COG3: variants seen among roughly 807,000 people sequenced by gnomAD.
The protein encoded by COG3 is component of oligomeric golgi complex 3.
A neutral mutation model predicts 114.1 loss-of-function variants in COG3; 32 were observed. The ratio of observed to expected loss-of-function variants is 0.28; its 90% CI spans 0.21 to 0.38. The LOEUF (loss-of-function observed/expected upper bound fraction) is 0.38, where lower values mean the gene tolerates loss of function less well. Ranked by LOEUF, COG3 falls within the 10% of genes least tolerant of loss-of-function variation. COG3 has a pLI of 1.00. For missense variants in COG3, 813 were observed against 973.2 expected (o/e 0.84, Z 2.19); for synonymous variants, 352 against 365.7 (o/e 0.96, Z 0.43).
chr13:45,507,077 T>G (rs949430241), intron 14 of COG3, among the ~76,000 whole-genome samples: 2 of 152,174 alleles, frequency 1.3e-5, no homozygotes, highest in Non-Finnish European at 2.9e-5. Flanking sequence ...CACTTGGCTT[T>G]TGAGGGTTTG....
intron 7 of COG3, among the ~76,000 whole-genome samples, chr13:45,484,338 C>T (rs1486450154): frequency 6.6e-6 from 1 of 152,016 alleles, no homozygotes; most frequent in Non-Finnish European, 1.5e-5. Flanking sequence ...CTGCACCAAA[C>T]CTTTAGGAGT....
chr13:45,497,204 A>T (rs985155536), intron 13 of COG3, among the ~76,000 whole-genome samples: 2 of 152,214 alleles, frequency 1.3e-5, no homozygotes, highest in South Asian at 4.1e-4. Flanking sequence ...ACAAGTGTCC[A>T]GTTTATGGTT....
At chr13:45,507,493 G>A (rs543841721) in intron 14 of COG3, among the ~76,000 whole-genome samples, 2 of 152,154 alleles carry the variant, frequency 1.3e-5, no homozygotes, top group East Asian at 1.9e-4. Context: ...GGCCAGGCAC[G>A]GTGGCTCACA....
At chr13:45,486,956 ACT>A (rs1886707127) in intron 8 of COG3, among the ~76,000 whole-genome samples, 1 of 152,182 alleles carries the variant, frequency 6.6e-6, no homozygotes, top group South Asian at 2.1e-4. Context: ...TACTACAAAG[ACT>A]CTCTCACGAG....
rs557719293 is a variant in COG3 at position 45,476,435 on chromosome 13, C to A, written c.321+88C>A. On this transcript the variant is annotated intron_variant, in intron 2 of 22. Transcript: ENST00000349995. ...TAAAGTCCTAATTAAAAGTTCTGAA[C>A]ATTTGTCACCATAATTAACATTAAG... The A allele has an allele frequency of 3.0e-4, 378 of 1,252,082 alleles. 2 individuals carry two copies. The highest frequency in any genetic ancestry group is 4.2e-4 in the Non-Finnish European group (367 of 881,822). The allele number at this position is 1,252,082 out of a possible 1,614,324, so 77.6% of individuals were successfully genotyped here. A position where few individuals can be genotyped will look rare whatever the true frequency, so the allele number is the denominator to read the frequency against.
chr13:45,508,403 T>TACACAC (rs1182268847), intron 14 of COG3, among the ~76,000 whole-genome samples: 22 of 133,038 alleles, frequency 1.7e-4, no homozygotes, highest in African/African-American at 6.3e-4. Flanking sequence ...TATATATATA[T>TACACAC]ACACACACAC....
At chr13:45,474,468 T>C (rs1885732990) in intron 1 of COG3, among the ~76,000 whole-genome samples, 1 of 152,150 alleles carries the variant, frequency 6.6e-6, no homozygotes, top group African/African-American at 2.4e-5. Flanking sequence ...GGCCTTCTTT[T>C]TTACTCCTTA....
In COG3 at chr13:45,508,068, TAAAAAAAAAAAAAA is replaced by T. The variant is rs10571583; in HGVS notation, c.1595-1606_1595-1593del. On this transcript the variant is annotated intron_variant, in intron 14 of 22. Transcript: ENST00000349995. ...TAGGTGACAGAGCCTAGGTCCAACC[TAAAAAAAAAAAAAA>T]AAAAAAAAAAAAAAAAAGGAAAGAA... is the stretch of plus-strand genomic sequence containing the variant. Among the ~76,000 whole-genome samples, 67 of 32,276 alleles carry T rather than the reference TAAAAAAAAAAAAAA, an allele frequency of 2.1e-3. 1 individual carries two copies. The highest frequency in any genetic ancestry group is 5.9e-3 in the African/African-American group (46 of 7,852). 21.2% of individuals were successfully genotyped at this position (32,276 alleles called of 152,430 possible). A position where few individuals can be genotyped will look rare whatever the true frequency, so the allele number is the denominator to read the frequency against.
At chr13:45,500,049 T>TGTGTGTGTGTGAGA (rs1869300364) in intron 13 of COG3, among the ~76,000 whole-genome samples, 2 of 120,750 alleles carry the variant, frequency 1.7e-5, no homozygotes, top group African/African-American at 6.8e-5. Context: ...TATGTGTGTG[T>TGTGTGTGTGTGAGA]GTGTGTGTGT....
chr13:45,501,817 G>A (rs1869568958), intron 13 of COG3, among the ~76,000 whole-genome samples: 1 of 152,170 alleles, frequency 6.6e-6, no homozygotes, highest in East Asian at 1.9e-4. Flanking sequence ...GGATAAATAT[G>A]TAATAATAGG....
At chr13:45,468,892 A>C (rs1188797989) in intron 1 of COG3, among the ~76,000 whole-genome samples, 2 of 152,222 alleles carry the variant, frequency 1.3e-5, no homozygotes, top group African/African-American at 4.8e-5. Flanking sequence ...TCAGAACAGG[A>C]AAGTGTGTGA....
chr13:45,518,787 T>C lies in COG3; in HGVS notation c.1956T>C (p.Pro652=). The C allele has an allele frequency of 6.2e-7, 1 of 1,613,926 alleles. No individual in the cohort carries two copies. Among genetic ancestry groups the C allele is most frequent in the Non-Finnish European group, 8.5e-7 (1 of 1,179,856 alleles). ...ATGCAGCATTTAAAATCCTGAACCC[T>C]ATGACTGTCCCAAGATTTTTTAGGC... ...TRDAAFKILN[P]MTVPRFFRLN... is the part of the protein sequence containing the mutation. Residue 652 remains proline (P), a synonymous_variant, in exon 18 of 23, where the codon CCT becomes CCC. Coordinates refer to ENST00000349995, the MANE Select transcript of COG3 (RefSeq NM_031431.4).
intron 8 of COG3, 24 bp downstream of exon 8, chr13:45,486,599 A>T: frequency 7.1e-7 from 1 of 1,403,698 alleles, no homozygotes; most frequent in Non-Finnish European, 1.0e-6. Context: ...CATAACTAGG[A>T]CATTGCTATG....
Position 45,497,863 on chromosome 13 carries a change from C to G in COG3, c.1488+1551C>G, listed in dbSNP as rs564578742. Among the ~76,000 whole-genome samples, 6 of 152,250 alleles carry G rather than the reference C, an allele frequency of 3.9e-5. No individual in the cohort carries two copies. The East Asian group carries it at 9.6e-4, about 24-fold the overall frequency. On this transcript the variant is annotated intron_variant, in intron 13 of 22. Coordinates refer to ENST00000349995, the MANE Select transcript of COG3 (RefSeq NM_031431.4). ...CTAAGCAGGACGGAATATAACTTTACACTCCTGAAGTTTAATAGATTCTGG... is the reference window on the plus strand; with the variant it reads ...CTAAGCAGGACGGAATATAACTTTAGACTCCTGAAGTTTAATAGATTCTGG...
chr13:45,499,192 G>A (rs1410293626), intron 13 of COG3, among the ~76,000 whole-genome samples: 1 of 151,784 alleles, frequency 6.6e-6, no homozygotes, highest in Non-Finnish European at 1.5e-5. Flanking sequence ...CCCATATCTC[G>A]TATTCATGTT....
At chr13:45,467,322 T>C (rs1483007384) in intron 1 of COG3, among the ~76,000 whole-genome samples, 5 of 152,352 alleles carry the variant, frequency 3.3e-5, no homozygotes, top group Admixed American at 2.0e-4. Context: ...CCAGGTGCGG[T>C]GGCCCACGCC....
At position 45,492,267 on chromosome 13, in the gene COG3, T is replaced by A; in HGVS notation, c.1187+17T>A. 1 of 1,453,136 alleles carries A rather than the reference T, an allele frequency of 6.9e-7. No homozygotes were observed. Among genetic ancestry groups the A allele is most frequent in the East Asian group, 2.3e-5 (1 of 43,184 alleles). The allele number at this position is 1,453,136 out of a possible 1,614,324, so 90.0% of individuals were successfully genotyped here. A position where few individuals can be genotyped will look rare whatever the true frequency, so the allele number is the denominator to read the frequency against. Reference sequence around the variant, plus strand: ...AAAATTAGAGTAGGTGGACATGGAATCTAACTCTTGTTCATAAAATTTAAC... The same window carrying A: ...AAAATTAGAGTAGGTGGACATGGAAACTAACTCTTGTTCATAAAATTTAAC... On this transcript the variant is annotated intron_variant, in intron 11 of 22. Coordinates refer to ENST00000349995, the MANE Select transcript of COG3 (RefSeq NM_031431.4).
intron 8 of COG3, 43 bp from the exon 9 acceptor site, chr13:45,490,872 A>G (rs190473058): frequency 1.5e-4 from 181 of 1,181,546 alleles, no homozygotes; most frequent in Admixed American, 3.6e-4. Flanking sequence ...AATGGATAAT[A>G]TAACAGAGAT....
chr13:45,510,237 G>T lies in COG3; in HGVS notation c.1719+421G>T, dbSNP rs1870712928. 4.6e-5 allele frequency among the ~76,000 whole-genome samples: 7 copies of T among 152,210 alleles called. No homozygotes were observed. The South Asian group carries it at 1.4e-3, about 31-fold the overall frequency. On this transcript the variant is annotated intron_variant, in intron 15 of 22. Coordinates refer to ENST00000349995, the MANE Select transcript of COG3 (RefSeq NM_031431.4). Reference sequence around the variant, plus strand: ...ATATTTTATATTGTAGGACTGCACAGTTGTTTCATTGGGTCAGTAGAATGT... The same window carrying T: ...ATATTTTATATTGTAGGACTGCACATTTGTTTCATTGGGTCAGTAGAATGT...
Sources: gnomAD v4.1 joint callset for allele counts (sites outside exome capture counted in the v4.1 genomes callset) on GRCh38, gnomAD v4.1.1 for gene constraint, MANE v1.5 for transcripts, NCBI Gene and HGNC (gene_info 2026-07-23, HGNC 2026-07-21) for gene names.